The following UMODL1 variants were observed in gnomAD, a reference collection of about 807,000 sequenced individuals.
The protein encoded by UMODL1 is uromodulin like 1.
Under a neutral mutation model 136.3 loss-of-function variants are expected in UMODL1, and 128 were observed. That is an observed-to-expected ratio of 0.94 (90% confidence interval 0.81 to 1.09). The LOEUF is 1.09. UMODL1 is among the 50% of genes least tolerant of loss of function. The pLI is 0.00. For missense variants in UMODL1, 1,766 were observed against 1,725.6 expected, an observed-to-expected ratio of 1.02 and a Z score of -0.41; for synonymous variants, 721 against 720.0, an observed-to-expected ratio of 1.00 and a Z score of -0.02.
intron 20 of UMODL1, among the ~76,000 whole-genome samples, 197 bp from the exon 21 acceptor site, chr21:42,129,516 G>A (rs529967021): frequency 6.6e-6 from 1 of 152,146 alleles, no homozygotes; most frequent in Non-Finnish European, 1.5e-5. Flanking sequence ...GCCTGGGCCT[G>A]CCTCTTGTTG....
At chr21:42,096,836 C>A (rs2066564118) in intron 6 of UMODL1, among the ~76,000 whole-genome samples, 1 of 152,216 alleles carries the variant, frequency 6.6e-6, no homozygotes, top group Non-Finnish European at 1.5e-5. Context: ...TGTGTCCTGA[C>A]TGTACAAAAA....
chr21:42,128,088 A>T, intron 20 of UMODL1: 1 of 597,774 alleles, frequency 1.7e-6, no homozygotes, highest in Non-Finnish European at 3.1e-6. Context: ...TTGAGGCCAT[A>T]ATATTCAACC....
intron 22 of UMODL1, among the ~76,000 whole-genome samples, chr21:42,140,861 G>A (rs1326923459): frequency 6.6e-6 from 1 of 152,166 alleles, no homozygotes; most frequent in Non-Finnish European, 1.5e-5. Flanking sequence ...CACTCTAATA[G>A]TGAAAAATAA....
intron 12 of UMODL1, among the ~76,000 whole-genome samples, chr21:42,112,388 T>C (rs220133): frequency 0.45 from 67,138 of 149,268 alleles, 16,234 homozygotes; most frequent in Non-Finnish European, 0.54. Flanking sequence ...GCACCCCCAG[T>C]TGTTCTGCAT....
chr21:42,081,792 T>C (rs2066365388), intron 2 of UMODL1, among the ~76,000 whole-genome samples: 2 of 152,138 alleles, frequency 1.3e-5, no homozygotes, highest in South Asian at 2.1e-4. Flanking sequence ...GGAAACTCCA[T>C]AGTTTATTTG....
intron 3 of UMODL1, among the ~76,000 whole-genome samples, chr21:42,084,457 G>A (rs893674332): frequency 1.3e-5 from 2 of 152,124 alleles, no homozygotes; most frequent in Non-Finnish European, 2.9e-5. Flanking sequence ...ATCTCATGGC[G>A]CTCTTAGGGG....
At chr21:42,133,605 G>C (rs536508454) in intron 21 of UMODL1, among the ~76,000 whole-genome samples, 1 of 152,296 alleles carries the variant, frequency 6.6e-6, no homozygotes, top group South Asian at 2.1e-4. Context: ...CCAAAATCAA[G>C]GTGCTGGCAA....
chr21:42,107,215 T>G (rs1183347032), intron 9 of UMODL1, among the ~76,000 whole-genome samples: 2 of 152,310 alleles, frequency 1.3e-5, no homozygotes, highest in East Asian at 3.9e-4. Flanking sequence ...AGAGTGAGGG[T>G]CATCACTGGG....
rs1468947737 is a variant in UMODL1 at position 42,126,488 on chromosome 21, G to T, written c.3291G>T (p.Trp1097Cys). The T allele has an allele frequency of 3.1e-6, 5 of 1,614,216 alleles. No individual in the cohort carries two copies. The highest frequency in any genetic ancestry group is 4.2e-6 in the Non-Finnish European group (5 of 1,180,028). Residue 1097 changes from tryptophan (W) to cysteine (C), a missense_variant and splice_region_variant, in exon 18 of 23, where the codon TGG becomes TGT. By Grantham distance (215) the Trp-to-Cys change is radical. Coordinates refer to ENST00000408910, the MANE Select transcript of UMODL1 (RefSeq NM_001004416.3). ...LLTSSGFTLE[W>C]GVYTIIEDLH... is the part of the protein sequence containing the mutation. ...CATCCTCCGGCTTCACCCTGGAGTG[G>T]GGGTAAGGGAGAAATGCCCCGGCTG...
At chr21:42,098,016 G>T (rs1003963011) in intron 6 of UMODL1, among the ~76,000 whole-genome samples, 1 of 152,224 alleles carries the variant, frequency 6.6e-6, no homozygotes, top group Non-Finnish European at 1.5e-5. Context: ...CAGTGCAGAA[G>T]TTCTCGTGCA....
chr21:42,078,102 C>T (rs185345694), intron 2 of UMODL1, among the ~76,000 whole-genome samples: 5 of 152,236 alleles, frequency 3.3e-5, no homozygotes. Flanking sequence ...AGTGTTAAAA[C>T]AATACCACCA....
Position 42,090,442 on chromosome 21 carries a change from A to G in UMODL1, c.931+4A>G, listed in dbSNP as rs576925412. 6.2e-7 allele frequency: 1 copy of G among 1,613,710 alleles called. No homozygotes were observed. The highest frequency in any genetic ancestry group is 1.3e-5 in the African/African-American group (1 of 75,014). On this transcript the variant is annotated splice_donor_region_variant and intron_variant, in intron 6 of 22. Transcript: ENST00000408910. ...AAGCTGAACCTGGAGTGGGAAGGTA[A>G]TGGCTAGGCTCTCTCAGATGGCATG...
intron 17 of UMODL1, among the ~76,000 whole-genome samples, chr21:42,124,508 G>C (rs1341570159): frequency 6.6e-6 from 1 of 152,212 alleles, no homozygotes; most frequent in Non-Finnish European, 1.5e-5. Flanking sequence ...CCATGGCGGA[G>C]TTAAGAGTCT....
chr21:42,111,319 C>T, intron 11 of UMODL1, 187 bp from the exon 12 acceptor site: 1 of 1,465,858 alleles, frequency 6.8e-7, no homozygotes, highest in Non-Finnish European at 9.2e-7. Context: ...CGAACTCCAG[C>T]CAGGGGAGCC....
At chr21:42,067,180 G>C (rs558121812), upstream of UMODL1, among the ~76,000 whole-genome samples, 3 of 152,040 alleles carry the variant, frequency 2.0e-5, no homozygotes, top group East Asian at 3.9e-4. Flanking sequence ...CACCATCTTG[G>C]CCAGGCTGGT....
At chr21:42,133,572 TCTC>T in intron 21 of UMODL1, among the ~76,000 whole-genome samples, 1 of 152,226 alleles carries the variant, frequency 6.6e-6, no homozygotes, top group Non-Finnish European at 1.5e-5. Flanking sequence ...ATCTGTTCTC[TCTC>T]AGTTCTGGAG....
intron 17 of UMODL1, 103 bp from the exon 18 acceptor site, chr21:42,126,242 G>A (rs2067051174): frequency 6.6e-7 from 1 of 1,514,042 alleles, no homozygotes; most frequent in Non-Finnish European, 8.9e-7. Context: ...AGAGGCTTTA[G>A]AGAAGAACCC....
intron 12 of UMODL1, 105 bp downstream of exon 12, chr21:42,111,815 C>G (rs1426835677): frequency 8.5e-7 from 1 of 1,183,290 alleles, no homozygotes; most frequent in African/African-American, 1.5e-5. Flanking sequence ...AGGCTGCTAG[C>G]AATGCTCAGG....
At chr21:42,090,878 C>T (rs1218661281) in intron 6 of UMODL1, among the ~76,000 whole-genome samples, 4 of 152,158 alleles carry the variant, frequency 2.6e-5, no homozygotes, top group Admixed American at 2.0e-4. Context: ...ATTTTGTTTT[C>T]ATATTGAAAA....
Sources: gnomAD v4.1 joint callset for allele counts (sites outside exome capture counted in the v4.1 genomes callset) on GRCh38, gnomAD v4.1.1 for gene constraint, MANE v1.5 for transcripts, NCBI Gene and HGNC (gene_info 2026-07-23, HGNC 2026-07-21) for gene names.